Variants in ST3GAL3 observed in about 807,000 individuals in gnomAD.
ST3GAL3 encodes the protein CMP-N-acetylneuraminate-beta-1,4-galactoside alpha-2,3-sialyltransferase.
In ST3GAL3, 21 loss-of-function variants were observed where a neutral mutation model predicts 50.1. The ratio of observed to expected loss-of-function variants is 0.42; its 90% CI spans 0.30 to 0.60. The LOEUF is 0.60. Among genes scored for constraint, ST3GAL3 ranks in the 20% least tolerant of loss-of-function variants. ST3GAL3 has a pLI of 0.19. For synonymous variants in ST3GAL3, 183 were observed against 190.0 expected, an observed-to-expected ratio of 0.96 and a Z score of 0.30; for missense variants, 353 against 489.4, an observed-to-expected ratio of 0.72 and a Z score of 2.63.
chr1:43,783,454 G>C (rs1466088782), intron 2 of ST3GAL3, among the ~76,000 whole-genome samples: 2 of 152,094 alleles, frequency 1.3e-5, no homozygotes, highest in Non-Finnish European at 2.9e-5. Context: ...CTCTGATTGG[G>C]CTGTCTTTCA....
chr1:43,918,480 A>C (rs1416342533), intron 9 of ST3GAL3, among the ~76,000 whole-genome samples: 1 of 152,168 alleles, frequency 6.6e-6, no homozygotes, highest in African/African-American at 2.4e-5. Context: ...GAGGAGAGAA[A>C]GTAAATGGAT....
At chr1:43,838,177 C>A in intron 4 of ST3GAL3, 42 bp from the exon 5 acceptor site, 3 of 1,447,248 alleles carry the variant, frequency 2.1e-6, no homozygotes, top group South Asian at 2.3e-5. Context: ...CCACTCAGTG[C>A]TCAGTGCCTG....
At chr1:43,880,622 C>T (rs2074952702) in intron 5 of ST3GAL3, among the ~76,000 whole-genome samples, 1 of 152,234 alleles carries the variant, frequency 6.6e-6, no homozygotes, top group South Asian at 2.1e-4. Context: ...CACTTCTGTC[C>T]TCTCCTTCAC....
intron 4 of ST3GAL3, among the ~76,000 whole-genome samples, chr1:43,837,674 G>T (rs2064599988): frequency 6.6e-6 from 1 of 152,196 alleles, no homozygotes; most frequent in African/African-American, 2.4e-5. Context: ...TTCCTGCAAA[G>T]AATTATGAGT....
At chr1:43,802,946 TTTTTGA>T (rs2059468962) in intron 3 of ST3GAL3, among the ~76,000 whole-genome samples, 1 of 152,144 alleles carries the variant, frequency 6.6e-6, no homozygotes, top group Non-Finnish European at 1.5e-5. Flanking sequence ...TTTGTTTTTG[TTTTTGA>T]GACAGAGTCT....
At chr1:43,801,606 C>A in intron 3 of ST3GAL3, 1 of 258,966 alleles carries the variant, frequency 3.9e-6, no homozygotes, top group Admixed American at 4.4e-5. Context: ...GAGTTGTCTA[C>A]ATAGGGCATT....
intron 2 of ST3GAL3, among the ~76,000 whole-genome samples, chr1:43,744,699 A>AAAT (rs1682801407): frequency 2.4e-5 from 3 of 122,938 alleles, no homozygotes; most frequent in East Asian, 5.2e-4. Flanking sequence ...AAATAAAATA[A>AAAT]AAAATAAAAT....
chr1:43,782,973 A>G (rs1271127901), intron 2 of ST3GAL3, among the ~76,000 whole-genome samples: 1 of 152,152 alleles, frequency 6.6e-6, no homozygotes, highest in African/African-American at 2.4e-5. Context: ...TCATAGGGGG[A>G]TGTTAAATAA....
chr1:43,855,734 A>G (rs1290087619), intron 5 of ST3GAL3, among the ~76,000 whole-genome samples: 1 of 152,092 alleles, frequency 6.6e-6, no homozygotes, highest in Non-Finnish European at 1.5e-5. Context: ...CATTCTGGAA[A>G]AAATAATTTT....
intron 1 of ST3GAL3, among the ~76,000 whole-genome samples, chr1:43,708,839 T>C (rs1193183434): frequency 2.0e-5 from 3 of 152,218 alleles, no homozygotes; most frequent in Non-Finnish European, 4.4e-5. Context: ...TAACAGACTT[T>C]GTATCAATCA....
chr1:43,730,388 T>G (rs1161657606), intron 1 of ST3GAL3, among the ~76,000 whole-genome samples: 2 of 152,098 alleles, frequency 1.3e-5, no homozygotes, highest in Non-Finnish European at 2.9e-5. Flanking sequence ...TTCTGCCCCC[T>G]TCTAAAAGAA....
intron 2 of ST3GAL3, chr1:43,772,127 G>T (rs1038952541): frequency 7.6e-6 from 3 of 396,606 alleles, no homozygotes; most frequent in South Asian, 1.3e-4. Context: ...TCTGCTCACC[G>T]CAACCTCCGC....
chr1:43,858,205 A>T (rs1025437233), intron 5 of ST3GAL3: 2 of 1,289,302 alleles, frequency 1.6e-6, no homozygotes, highest in African/African-American at 3.0e-5. Context: ...GTGAAGACAG[A>T]GGATTGTGGG....
chr1:43,815,285 C>G (rs1236468148), intron 4 of ST3GAL3, among the ~76,000 whole-genome samples: 11 of 152,174 alleles, frequency 7.2e-5, no homozygotes, highest in Non-Finnish European at 1.5e-4. Context: ...CAAAGATGCT[C>G]TGGCACCTGA....
intron 2 of ST3GAL3, chr1:43,772,375 A>G (rs1695597281): frequency 9.7e-6 from 2 of 205,262 alleles, no homozygotes; most frequent in African/African-American, 2.3e-5. Context: ...TCCTATATGT[A>G]TATTTGCTTT....
At chr1:43,819,133 G>A (rs1382306834) in intron 4 of ST3GAL3, 1 of 152,050 alleles carries the variant, frequency 6.6e-6, no homozygotes, top group East Asian at 1.9e-4. Context: ...CATTCTTGTT[G>A]CCCAGGCTGG....
At chr1:43,763,934 T>C (rs1451682076) in intron 2 of ST3GAL3, among the ~76,000 whole-genome samples, 7 of 152,214 alleles carry the variant, frequency 4.6e-5, no homozygotes, top group Non-Finnish European at 7.3e-5. Flanking sequence ...TAGTGGAACA[T>C]AAGAGTTGAG....
intron 2 of ST3GAL3, among the ~76,000 whole-genome samples, chr1:43,748,546 A>C (rs953379054): frequency 6.0e-5 from 9 of 149,698 alleles, no homozygotes; most frequent in African/African-American, 2.2e-4. Flanking sequence ...CTCCTGCCTC[A>C]GCCTCCTAAG....
intron 1 of ST3GAL3, among the ~76,000 whole-genome samples, chr1:43,729,427 A>G (rs1230329918): frequency 6.6e-6 from 1 of 152,200 alleles, no homozygotes; most frequent in Non-Finnish European, 1.5e-5. Flanking sequence ...CAATTTCAAT[A>G]CAAGTCAAAA....
Sources: allele counts gnomAD v4.1 joint callset (sites outside exome capture counted in the v4.1 genomes callset), GRCh38; gene constraint gnomAD v4.1.1; transcripts MANE v1.5; gene names NCBI Gene and HGNC (gene_info 2026-07-23, HGNC 2026-07-21).